MKLN1: variants seen among roughly 807,000 people sequenced by gnomAD.
MKLN1 encodes muskelin.
A neutral mutation model predicts 99.0 loss-of-function variants in MKLN1; 18 were observed. The ratio of observed to expected loss-of-function variants is 0.18; its 90% CI spans 0.13 to 0.27. The LOEUF (loss-of-function observed/expected upper bound fraction) is 0.27. Ranked by LOEUF, MKLN1 falls within the 10% of genes least tolerant of loss-of-function variation. The pLI is 1.00. For missense variants in MKLN1, 621 were observed against 875.9 expected (o/e 0.71, Z 3.67); for synonymous variants, 288 against 293.2 (o/e 0.98, Z 0.18).
At chr7:131,263,034 A>T (rs1286367819) in intron 3 of MKLN1, among the ~76,000 whole-genome samples, 1 of 152,042 alleles carries the variant, frequency 6.6e-6, no homozygotes, top group African/African-American at 2.4e-5. Context: ...CGTTTCTTAT[A>T]AAAAGAAAGT....
At chr7:131,408,339 T>A (rs1563333548) in intron 6 of MKLN1, among the ~76,000 whole-genome samples, 1 of 152,212 alleles carries the variant, frequency 6.6e-6, no homozygotes, top group African/African-American at 2.4e-5. Flanking sequence ...TTCTTTTTGA[T>A]CTAATCATTC....
At chr7:131,181,660 A>ATT (rs3078424) in intron 2 of MKLN1, among the ~76,000 whole-genome samples, 9 of 135,942 alleles carry the variant, frequency 6.6e-5, no homozygotes, top group South Asian at 2.4e-4. Context: ...CCTCATCCCT[A>ATT]TTTTTTTTTT....
chr7:131,465,186 T>G (rs1796623460), intron 14 of MKLN1, among the ~76,000 whole-genome samples: 1 of 152,098 alleles, frequency 6.6e-6, no homozygotes, highest in Non-Finnish European at 1.5e-5. Context: ...TTTTTAAAAT[T>G]TTAGGAAATA....
Position 131,287,990 on chromosome 7 carries a change from G to A in MKLN1, c.-179+85016G>A, listed in dbSNP as rs143717581. Among the ~76,000 whole-genome samples the A allele has an allele frequency of 4.2e-3, 641 of 152,230 alleles. 5 individuals carry two copies. The highest frequency in any genetic ancestry group is 0.015 in the African/African-American group (603 of 41,530). On this transcript the variant is annotated intron_variant, in intron 3 of 7. Transcript: ENST00000416992. ...AGTTTCCTGAGGCCTCCCCAGCCAT[G>A]TGGAACGGTGAGTCAATTAAACCTC...
chr7:131,332,955 G>A (rs1369585725), intron 1 of MKLN1, among the ~76,000 whole-genome samples: 8 of 151,638 alleles, frequency 5.3e-5, no homozygotes, highest in African/African-American at 1.7e-4. Context: ...ATGGAGTCTC[G>A]CTGTGTCACC....
At chr7:131,194,013 T>G (rs903812421) in intron 2 of MKLN1, among the ~76,000 whole-genome samples, 4 of 150,816 alleles carry the variant, frequency 2.7e-5, no homozygotes, top group Admixed American at 1.3e-4. Context: ...GTTTTTTTTT[T>G]TTTTTTTCCA....
In MKLN1 at chr7:131,425,805, T is replaced by C. The variant is rs530657550; in HGVS notation, c.848-3228T>C. On this transcript the variant is annotated intron_variant, in intron 8 of 17. Coordinates refer to ENST00000352689, the MANE Select transcript of MKLN1 (RefSeq NM_013255.5). ...CTACCCTACTGCAAATATTAATGCT[T>C]TCTTTTTTCTTTCTACTTCCTTCTC... 2.0e-4 allele frequency among the ~76,000 whole-genome samples: 30 copies of C among 152,320 alleles called. 1 individual carries two copies. The South Asian group carries it at 5.2e-3, about 26-fold the overall frequency.
intron 2 of MKLN1, among the ~76,000 whole-genome samples, chr7:131,201,357 G>A (rs538112198): frequency 2.6e-5 from 4 of 152,220 alleles, no homozygotes; most frequent in South Asian, 2.1e-4. Context: ...TTCACACTTC[G>A]TTAGCATTCA....
intron 3 of MKLN1, among the ~76,000 whole-genome samples, chr7:131,321,386 T>C (rs1431756846): frequency 6.6e-6 from 1 of 151,968 alleles, no homozygotes. Flanking sequence ...TGAGAATAGA[T>C]GGACACAAGA....
chr7:131,120,061 C>T (rs1326887144), intron 1 of MKLN1, among the ~76,000 whole-genome samples: 1 of 150,512 alleles, frequency 6.6e-6, no homozygotes, highest in Admixed American at 6.7e-5. Context: ...GTCCCAGCTA[C>T]TCGGGAGGCT....
intron 16 of MKLN1, among the ~76,000 whole-genome samples, chr7:131,477,509 AAAAT>A (rs749964079): frequency 1.2e-4 from 18 of 152,340 alleles, no homozygotes; most frequent in Admixed American, 9.1e-4. Context: ...CCTGCCTCAA[AAAAT>A]AAATAAATAG....
chr7:131,409,241 C>A (rs2116313923), intron 6 of MKLN1, among the ~76,000 whole-genome samples: 1 of 152,214 alleles, frequency 6.6e-6, no homozygotes, highest in Admixed American at 6.5e-5. Context: ...ATATCTAAAG[C>A]AAGCCTACCA....
rs377264441 is a variant in MKLN1 at position 131,297,354 on chromosome 7, C to T, written c.-178-78070C>T. Among the ~76,000 whole-genome samples, 336 of 150,932 alleles carry T rather than the reference C, an allele frequency of 2.2e-3. 14 individuals carry two copies. The South Asian group carries it at 0.068, about 30-fold the overall frequency. On this transcript the variant is annotated intron_variant, in intron 3 of 7. Transcript: ENST00000416992. ...CCAGTCTGGTGACAGAGCGAGACTCCGTCTCAAAAAACAAAATATATATAT... is the reference window on the plus strand; with the variant it reads ...CCAGTCTGGTGACAGAGCGAGACTCTGTCTCAAAAAACAAAATATATATAT...
chr7:131,491,152 A>G lies in MKLN1; in HGVS notation c.*3424A>G, dbSNP rs1190719997. On this transcript the variant is annotated 3_prime_UTR_variant, in exon 18 of 18. Coordinates refer to ENST00000352689, the MANE Select transcript of MKLN1 (RefSeq NM_013255.5). ...GAATGTTGCACAGTATTTGAGAATT[A>G]CGGTTTGAAGTGATTTCTGTGGGAG... 1 of 152,122 alleles carries G rather than the reference A, an allele frequency of 6.6e-6. No individual in the cohort carries two copies. The highest frequency in any genetic ancestry group is 2.4e-5 in the African/African-American group (1 of 41,428). 9.4% of individuals were successfully genotyped at this position (152,122 alleles called of 1,614,324 possible). A position where few individuals can be genotyped will look rare whatever the true frequency, so the allele number is the denominator to read the frequency against.
At chr7:131,378,882 CTTTTTTTTT>C (rs912728269) in intron 2 of MKLN1, among the ~76,000 whole-genome samples, 4 of 128,788 alleles carry the variant, frequency 3.1e-5, no homozygotes. Context: ...AAAGCTGGGA[CTTTTTTTTT>C]TTTTTTTTGG....
At chr7:131,375,328 A>T in intron 1 of MKLN1, 96 bp from the exon 2 acceptor site, 2 of 761,280 alleles carry the variant, frequency 2.6e-6, no homozygotes, top group Non-Finnish European at 4.6e-6. Context: ...AGTTCCAAAC[A>T]TTACATAACT....
rs780993800 is a variant in MKLN1 at position 131,387,128 on chromosome 7, T to G, written c.177T>G (p.Ile59Met). The part of the protein sequence containing the change: ...SESNYPPQYL[I>M]LKLERPAIVQ... The stretch of plus-strand genomic sequence containing the variant: ...GTCGTTTCTTTTTTTAGTACTTGAT[T>G]CTAAAGCTCGAAAGGCCTGCTATAG... The change falls in exon 3 of 18, where the codon ATT becomes ATG. Residue 59 changes from isoleucine (I) to methionine (M), a missense_variant. Physicochemically the swap from Ile to Met is conservative, Grantham distance 10. Around this residue, in one of 8 missense-constraint regions of MKLN1, gnomAD observed 27 missense variants for 19.7 expected, o/e 1.37. Coordinates refer to ENST00000352689, the MANE Select transcript of MKLN1 (RefSeq NM_013255.5). 2.5e-6 allele frequency: 4 copies of G among 1,594,388 alleles called. No homozygotes were observed. The highest frequency in any genetic ancestry group is 3.6e-5 in the Admixed American group (2 of 55,020).
chr7:131,110,318 T>C, intron 1 of MKLN1: 1 of 162,586 alleles, frequency 6.2e-6, no homozygotes, highest in Non-Finnish European at 1.3e-5. Context: ...GAGCCCAGTT[T>C]CCAGCTGAGA....
At chr7:131,444,639 G>A (rs1795940535) in intron 11 of MKLN1, among the ~76,000 whole-genome samples, 1 of 151,596 alleles carries the variant, frequency 6.6e-6, no homozygotes. Flanking sequence ...AGCCTTGAAT[G>A]TCAGGGCTCA....
Sources: gnomAD v4.1 joint callset for allele counts (sites outside exome capture counted in the v4.1 genomes callset) on GRCh38, gnomAD v4.1.1 for gene constraint, gnomAD v4.1.1 regional missense constraint, MANE v1.5 for transcripts, NCBI Gene and HGNC (gene_info 2026-07-23, HGNC 2026-07-21) for gene names.